Variants in COG3 observed in about 807,000 individuals in gnomAD.
COG3 encodes component of oligomeric golgi complex 3.
COG3 carries 32 observed loss-of-function variants against 114.1 expected under a neutral mutation model. The ratio of observed to expected loss-of-function variants is 0.28; its 90% CI spans 0.21 to 0.38. The LOEUF is 0.38. Among genes scored for constraint, COG3 ranks in the 10% least tolerant of loss-of-function variants. The pLI is 1.00. For missense variants in COG3, 813 were observed against 973.2 expected, an observed-to-expected ratio of 0.84 and a Z score of 2.19; for synonymous variants, 352 against 365.7, an observed-to-expected ratio of 0.96 and a Z score of 0.43.
At position 45,518,951 on chromosome 13, in the gene COG3, C is replaced by T. The variant is rs904579423; in HGVS notation, c.2020-9C>T. ...AAAAACAGGAGGAAATTGTTATCTTCTTTTTAAGGGTACTCCTGAGATAAG... is the reference window on the plus strand; with the variant it reads ...AAAAACAGGAGGAAATTGTTATCTTTTTTTTAAGGGTACTCCTGAGATAAG... On this transcript the variant is annotated splice_polypyrimidine_tract_variant and intron_variant, in intron 18 of 22. Transcript: ENST00000349995. 2 of 1,613,840 alleles carry T rather than the reference C, an allele frequency of 1.2e-6. No individual in the cohort carries two copies. Among genetic ancestry groups the T allele is most frequent in the Non-Finnish European group, 1.7e-6 (2 of 1,179,912 alleles).
chr13:45,469,654 A>G (rs912896215), intron 1 of COG3, among the ~76,000 whole-genome samples: 28 of 152,240 alleles, frequency 1.8e-4, no homozygotes, highest in African/African-American at 6.3e-4. Context: ...GAGTGTATAT[A>G]TAGGACCTAA....
intron 11 of COG3, 101 bp from the exon 12 acceptor site, chr13:45,493,246 T>C: frequency 1.1e-6 from 1 of 891,564 alleles, no homozygotes; most frequent in Non-Finnish European, 1.8e-6. Flanking sequence ...AGTAGATACT[T>C]ATTGTTCTTA....
intron 3 of COG3, 50 bp from the exon 4 acceptor site, chr13:45,480,075 T>G: frequency 6.7e-7 from 1 of 1,494,222 alleles, no homozygotes; most frequent in South Asian, 1.3e-5. Flanking sequence ...TTTACTGTGC[T>G]TATTGGGGGA....
intron 14 of COG3, among the ~76,000 whole-genome samples, chr13:45,504,393 A>G (rs1359318062): frequency 6.6e-6 from 1 of 152,168 alleles, no homozygotes; most frequent in Non-Finnish European, 1.5e-5. Flanking sequence ...TGGTCCTAGT[A>G]TACCTCTTTA....
rs570683916 is a variant in COG3, at chr13:45,465,412, C to T, written c.174+202C>T. On this transcript the variant is annotated intron_variant, in intron 1 of 22. Coordinates refer to ENST00000349995, the MANE Select transcript of COG3 (RefSeq NM_031431.4). The stretch of plus-strand genomic sequence containing the variant: ...CCTGCGACCCCGACTCTAATTCTGC[C>T]TGGGGACGGCTGTGGGGGTGTCCTG... The T allele has an allele frequency of 2.4e-4, 207 of 874,494 alleles. No individual in the cohort carries two copies. The African/African-American group carries it at 3.2e-3, about 14-fold the overall frequency. 54.2% of individuals were successfully genotyped at this position (874,494 alleles called of 1,614,324 possible).
At chr13:45,530,272 A>T (rs960125848) in intron 21 of COG3, among the ~76,000 whole-genome samples, 1 of 152,252 alleles carries the variant, frequency 6.6e-6, no homozygotes, top group African/African-American at 2.4e-5. Flanking sequence ...AATGGCTTGC[A>T]GTGGCAACCA....
At chr13:45,478,614 G>A (rs1243830381) in intron 2 of COG3, among the ~76,000 whole-genome samples, 3 of 151,736 alleles carry the variant, frequency 2.0e-5, no homozygotes, top group African/African-American at 4.8e-5. Context: ...TCAGTCCCCC[G>A]ATTAGCTGGG....
At chr13:45,523,252 T>A (rs1872360327) in intron 19 of COG3, among the ~76,000 whole-genome samples, 5 of 152,202 alleles carry the variant, frequency 3.3e-5, no homozygotes, top group Admixed American at 3.3e-4. Flanking sequence ...ACGAGTTTAT[T>A]CTTAATATTC....
chr13:45,493,395 A>G lies in COG3; in HGVS notation c.1236A>G (p.Pro412=). The G allele has an allele frequency of 6.2e-7, 1 of 1,613,522 alleles. No homozygotes were observed. Among genetic ancestry groups the G allele is most frequent in the Non-Finnish European group, 8.5e-7 (1 of 1,179,606 alleles). ...LCVSLYDVFR[P]LIIHVIHLET... is the part of the protein sequence containing the mutation. ...TGTCATTGTATGATGTCTTCAGGCC[A>G]TTGATCATTCATGTTATTCACTTAG... Residue 412 remains proline, a synonymous_variant, in exon 12 of 23, where the codon CCA becomes CCG. Transcript: ENST00000349995.
At chr13:45,478,940 C>A (rs1886080284) in intron 2 of COG3, 65 bp from the exon 3 acceptor site, 3 of 1,109,282 alleles carry the variant, frequency 2.7e-6, no homozygotes, top group Non-Finnish European at 4.1e-6. Flanking sequence ...TGCTGCTTAG[C>A]ATGTAGCCAC....
chr13:45,524,819 CA>C (rs1483062522), intron 19 of COG3, among the ~76,000 whole-genome samples, 156 bp from the exon 20 acceptor site: 1 of 134,602 alleles, frequency 7.4e-6, no homozygotes, highest in Non-Finnish European at 1.7e-5. Flanking sequence ...TGAGATAATG[CA>C]TTTTTTTTAG....
chr13:45,507,929 T>C (rs919173776), intron 14 of COG3, among the ~76,000 whole-genome samples: 7 of 149,862 alleles, frequency 4.7e-5, no homozygotes, highest in Non-Finnish European at 1.0e-4. Flanking sequence ...ATTAGCCGGG[T>C]GTGGTGGCAT....
At chr13:45,511,110 T>G (rs967245668) in intron 15 of COG3, among the ~76,000 whole-genome samples, 1 of 151,208 alleles carries the variant, frequency 6.6e-6, no homozygotes, top group African/African-American at 2.4e-5. Flanking sequence ...AAGATAGTAA[T>G]GGCAGAATTA....
chr13:45,531,785 C>T (rs927401233), intron 22 of COG3, among the ~76,000 whole-genome samples: 2 of 152,010 alleles, frequency 1.3e-5, no homozygotes, highest in African/African-American at 2.4e-5. Context: ...GGATTACAGT[C>T]GAGCCACCAT....
At chr13:45,493,677 A>C in intron 12 of COG3, 191 bp downstream of exon 12, 2 of 386,938 alleles carry the variant, frequency 5.2e-6, no homozygotes, top group Non-Finnish European at 4.6e-6. Flanking sequence ...AGATAGGGAA[A>C]GAATCTTAAA....
chr13:45,485,234 A>C (rs1593691273), intron 7 of COG3, among the ~76,000 whole-genome samples: 1 of 56,552 alleles, frequency 1.8e-5, no homozygotes, highest in Non-Finnish European at 3.5e-5. Context: ...AGGGGGGCTG[A>C]CCCCCCCCAC....
chr13:45,513,272 T>TACATAATATATACATATAAATTATAC (rs33952477), intron 16 of COG3, among the ~76,000 whole-genome samples: 71 of 4,148 alleles, frequency 0.017, 9 homozygotes, highest in African/African-American at 0.039. Flanking sequence ...ATATAAATTA[T>TACATAATATATACATATAAATTATAC]ATATAATATA....
At chr13:45,486,416 G>A in intron 7 of COG3, 79 bp from the exon 8 acceptor site, 5 of 870,874 alleles carry the variant, frequency 5.7e-6, no homozygotes, top group Non-Finnish European at 7.8e-6. Context: ...GTAGCCATAG[G>A]AAATGGTTGC....
chr13:45,474,285 C>G (rs1156328342), intron 1 of COG3, among the ~76,000 whole-genome samples: 17 of 150,880 alleles, frequency 1.1e-4, no homozygotes, highest in Admixed American at 3.3e-4. Flanking sequence ...AGCCTCCCAA[C>G]TAGCTGGGAC....
Sources: gnomAD v4.1 joint callset for allele counts (sites outside exome capture counted in the v4.1 genomes callset) on GRCh38, gnomAD v4.1.1 for gene constraint, MANE v1.5 for transcripts, NCBI Gene and HGNC (gene_info 2026-07-23, HGNC 2026-07-21) for gene names.